SLC36A1: variants seen among roughly 807,000 people sequenced by gnomAD.
SLC36A1 encodes the protein solute carrier family 36 member 1, also known as proton-coupled amino acid transporter 1.
SLC36A1 carries 30 observed loss-of-function variants against 47.5 expected under a neutral mutation model. The observed-to-expected ratio is 0.63, with a 90% CI of 0.47 to 0.86. The LOEUF is 0.86. Ranked by LOEUF, SLC36A1 falls within the 40% of genes least tolerant of loss-of-function variation. SLC36A1 has a pLI of 0.00. For synonymous variants in SLC36A1, 255 were observed against 249.7 expected, an observed-to-expected ratio of 1.02 and a Z score of -0.20; for missense variants, 517 against 606.0, an observed-to-expected ratio of 0.85 and a Z score of 1.54.
intron 6 of SLC36A1, 144 bp downstream of exon 6, chr5:151,467,427 C>T (rs1756596915): frequency 7.5e-6 from 5 of 665,176 alleles, no homozygotes; most frequent in Admixed American, 5.8e-5. Context: ...CATAGATCTA[C>T]GTCTTCTATT....
intron 1 of SLC36A1, among the ~76,000 whole-genome samples, chr5:151,441,911 C>T (rs986254235): frequency 8.5e-5 from 13 of 152,172 alleles, no homozygotes; most frequent in Admixed American, 5.2e-4. Flanking sequence ...TTCCTCATGC[C>T]GCTTTATAAT....
At chr5:151,403,545 T>G in the SLC36A1 span, among the ~76,000 whole-genome samples, 1 of 152,150 alleles carries the variant, frequency 6.6e-6, no homozygotes, top group African/African-American at 2.4e-5. Context: ...CTGCCATGAG[T>G]AAAAGTTCCC....
the SLC36A1 span, chr5:151,531,714 G>T: frequency 6.2e-7 from 1 of 1,613,842 alleles, no homozygotes. The surrounding 1 kb of genome is among the most constrained non-coding windows in gnomAD (Gnocchi z 5.7). Context: ...GGGCGTCCTC[G>T]GGCACCTGCA....
At chr5:151,367,361 A>ATTTTTTTT in the SLC36A1 span, among the ~76,000 whole-genome samples, 439 of 118,860 alleles carry the variant, frequency 3.7e-3, 7 homozygotes, top group African/African-American at 0.014. Flanking sequence ...CCAGGAATGC[A>ATTTTTTTT]TTTTTTTTTT....
chr5:151,542,817 A>G, the SLC36A1 span: 1 of 1,614,216 alleles, frequency 6.2e-7, no homozygotes, highest in Non-Finnish European at 8.5e-7. Context: ...TCTGAAGGCA[A>G]TGTGCCATCA....
the SLC36A1 span, among the ~76,000 whole-genome samples, chr5:151,416,648 G>A: frequency 9.4e-6 from 1 of 105,838 alleles, no homozygotes; most frequent in Non-Finnish European, 2.1e-5. Flanking sequence ...TGTTGTCAGG[G>A]TGTCAGGGTG....
intron 3 of SLC36A1, 104 bp downstream of exon 3, chr5:151,463,747 AT>A: frequency 1.1e-6 from 1 of 879,302 alleles, no homozygotes; most frequent in Non-Finnish European, 1.8e-6. Context: ...ATAGAGAAGC[AT>A]TTTAAAAAAA....
chr5:151,514,487 C>G, the SLC36A1 span, among the ~76,000 whole-genome samples: 2 of 152,264 alleles, frequency 1.3e-5, no homozygotes, highest in Admixed American at 6.5e-5. Context: ...AAAGCTAACT[C>G]TCCACCTGCT....
chr5:151,479,438 T>C lies in SLC36A1; in HGVS notation c.1108T>C (p.Cys370Arg), dbSNP rs1439884087. Residue 370 changes from cysteine (C) to arginine (R), a missense_variant, in exon 10 of 11, where the codon TGT becomes CGT. Cys to Arg is a radical substitution (Grantham distance 180). Transcript: ENST00000243389. ...PFFVSRAPEH[C>R]ELVVDLFVRT... is the part of the protein sequence containing the mutation. ...CTTTGTGTCCCGAGCGCCCGAGCAC[T>C]GTGAGTTAGTGGTGGACCTGTTTGT... The C allele has an allele frequency of 1.2e-6, 2 of 1,614,136 alleles. No homozygotes were observed. Among genetic ancestry groups the C allele is most frequent in the Non-Finnish European group, 1.7e-6 (2 of 1,179,960 alleles).
the SLC36A1 span, among the ~76,000 whole-genome samples, chr5:151,533,299 T>C: frequency 6.6e-6 from 1 of 152,062 alleles, no homozygotes; most frequent in South Asian, 2.1e-4. Context: ...AGATGGCTTA[T>C]GGGTCACTCC....
chr5:151,554,633 G>A, the SLC36A1 span: 1 of 1,613,862 alleles, frequency 6.2e-7, no homozygotes, highest in Non-Finnish European at 8.5e-7. Context: ...CACCCTGGAG[G>A]TGGACTTCAG....
At chr5:151,436,483 T>C (rs762114259), upstream of SLC36A1, among the ~76,000 whole-genome samples, 11 of 151,966 alleles carry the variant, frequency 7.2e-5, no homozygotes, top group Non-Finnish European at 1.2e-4. Context: ...AGGGTCTAAG[T>C]GAGGGGTCAC....
At chr5:151,546,360 C>G in the SLC36A1 span, 1 of 1,583,236 alleles carries the variant, frequency 6.3e-7, no homozygotes, top group Non-Finnish European at 8.6e-7. Flanking sequence ...ACAAGACAAA[C>G]AAGTTTGCCA....
At chr5:151,530,919 A>T in the SLC36A1 span, among the ~76,000 whole-genome samples, 2 of 152,118 alleles carry the variant, frequency 1.3e-5, no homozygotes, top group Non-Finnish European at 2.9e-5. Flanking sequence ...GGTAAATTTT[A>T]AAAAATATTG....
At chr5:151,466,301 T>C (rs1040751091) in intron 5 of SLC36A1, among the ~76,000 whole-genome samples, 2 of 152,236 alleles carry the variant, frequency 1.3e-5, no homozygotes, top group Admixed American at 6.5e-5. Flanking sequence ...AAAGAAAATT[T>C]TGGTCACAGT....
chr5:151,527,435 C>G, the SLC36A1 span: 5 of 1,471,770 alleles, frequency 3.4e-6, no homozygotes, highest in Non-Finnish European at 4.6e-6. Context: ...CACTTCTGCC[C>G]CCTGAGTCAT....
At position 151,480,523 on chromosome 5, in the gene SLC36A1, A is replaced by G. The variant is rs549985931; in HGVS notation, c.1159+1034A>G. On this transcript the variant is annotated intron_variant, in intron 10 of 10. Transcript: ENST00000243389. The stretch of plus-strand genomic sequence containing the variant: ...TTCAGGCCCTCTCCTAGACCAGCCT[A>G]TATAGAAACAGCCCACGCAGCAGCT... Among the ~76,000 whole-genome samples, 265 of 152,328 alleles carry G rather than the reference A, an allele frequency of 1.7e-3. 2 individuals are homozygous for G. Among genetic ancestry groups the G allele is most frequent in the Non-Finnish European group, 3.0e-3 (201 of 68,028 alleles).
chr5:151,361,070 T>G, the SLC36A1 span, among the ~76,000 whole-genome samples: 1 of 152,384 alleles, frequency 6.6e-6, no homozygotes, highest in Non-Finnish European at 1.5e-5. Flanking sequence ...CACAGTTTTC[T>G]TCTGCAGAAA....
At chr5:151,538,089 A>G in the SLC36A1 span, 14,199 of 604,464 alleles carry the variant, frequency 0.023, 271 homozygotes, top group South Asian at 0.049. Context: ...AAAAAAGAAC[A>G]GAGACAGAGA....
Sources: allele counts gnomAD v4.1 joint callset (sites outside exome capture counted in the v4.1 genomes callset), GRCh38; gene constraint gnomAD v4.1.1; non-coding constraint Gnocchi (gnomAD v3.1); transcripts MANE v1.5; gene names NCBI Gene and HGNC (gene_info 2026-07-23, HGNC 2026-07-21).